The following PEX1 variants were observed in gnomAD, a reference collection of about 807,000 sequenced individuals.
The protein encoded by PEX1 is peroxisomal ATPase PEX1.
A neutral mutation model predicts 152.5 loss-of-function variants in PEX1; 97 were observed. The observed-to-expected ratio is 0.64, with a 90% confidence interval of 0.54 to 0.75. The LOEUF is 0.75. Ranked by LOEUF, PEX1 falls within the 30% of genes least tolerant of loss-of-function variation. The pLI is 0.00. For missense variants in PEX1, 1,357 were observed against 1,516.3 expected (o/e 0.89, Z 1.74); for synonymous variants, 485 against 531.6 (o/e 0.91, Z 1.21).
chr7:92,491,513 C>A lies in PEX1; in HGVS notation c.3208-11G>T. ...GCTGGAACTTCCATCCTAAAATACA[C>A]AAAAGGACAACCAGTTTAAAGATGT... On this transcript the variant is annotated splice_polypyrimidine_tract_variant and intron_variant, in intron 20 of 23. Coordinates refer to ENST00000248633, the MANE Select transcript of PEX1 (RefSeq NM_000466.3). The A allele has an allele frequency of 1.3e-6, 2 of 1,489,382 alleles. No homozygotes were observed. Among genetic ancestry groups the A allele is most frequent in the Non-Finnish European group, 1.9e-6 (2 of 1,066,874 alleles). 92.3% of individuals were successfully genotyped at this position (1,489,382 alleles called of 1,614,324 possible). A position where few individuals can be genotyped will look rare whatever the true frequency, so the allele number is the denominator to read the frequency against.
chr7:92,502,112 A>G (rs750358100), intron 13 of PEX1, 33 bp from the exon 14 acceptor site: 8 of 1,398,668 alleles, frequency 5.7e-6, no homozygotes, highest in East Asian at 2.3e-5. Flanking sequence ...CGAATTTCCA[A>G]TTGTATTCAA....
At position 92,515,710 on chromosome 7, in the gene PEX1, G is replaced by A. The variant is rs186701433; in HGVS notation, c.1239+1566C>T. On this transcript the variant is annotated intron_variant, in intron 5 of 23. Transcript: ENST00000248633. ...TAAAGCTAACAGAAAATAATGATCT[G>A]AGGCCAGGCACAGTGGCTCACGCCT... Among the ~76,000 whole-genome samples, 236 of 152,182 alleles carry A rather than the reference G, an allele frequency of 1.6e-3. 2 individuals carry two copies. The highest frequency in any genetic ancestry group is 2.5e-3 in the Non-Finnish European group (170 of 68,000).
intron 20 of PEX1, 95 bp from the exon 21 acceptor site, chr7:92,491,597 C>T (rs902126797): frequency 7.8e-6 from 6 of 765,446 alleles, no homozygotes; most frequent in Non-Finnish European, 1.1e-5. Flanking sequence ...TAGAGCAATA[C>T]AAGAAACTTA....
chr7:92,514,137 C>A (rs1792612139), intron 5 of PEX1, among the ~76,000 whole-genome samples, 170 bp from the exon 6 acceptor site: 1 of 152,110 alleles, frequency 6.6e-6, no homozygotes, highest in Non-Finnish European at 1.5e-5. Flanking sequence ...ATCAAAATAT[C>A]CTAAACTGGG....
At chr7:92,516,912 T>C (rs1170339515) in intron 5 of PEX1, among the ~76,000 whole-genome samples, 9 of 152,204 alleles carry the variant, frequency 5.9e-5, no homozygotes, top group Non-Finnish European at 8.8e-5. Flanking sequence ...GGAACAAATC[T>C]GCAAGCATTA....
Position 92,493,090 on chromosome 7 carries a change from G to C in PEX1, c.3070C>G (p.Leu1024Val), listed in dbSNP as rs1402798264. 6.2e-6 allele frequency: 10 copies of C among 1,612,054 alleles called. No homozygotes were observed. Among genetic ancestry groups the C allele is most frequent in the Non-Finnish European group, 8.5e-6 (10 of 1,178,292 alleles). Residue 1024 changes from leucine (L) to valine (V), a missense_variant, in exon 20 of 24, where the codon CTA (leucine) becomes GTA (valine). Coordinates refer to ENST00000248633, the MANE Select transcript of PEX1 (RefSeq NM_000466.3). Reference sequence around the variant, plus strand: ...AGGTCAACATCATCTGCCAGAGGTAGAGAGTCACTGAGGACATTTAAAATT... The same window carrying C: ...AGGTCAACATCATCTGCCAGAGGTACAGAGTCACTGAGGACATTTAAAATT... ...LEILNVLSDSLPLADDVDLQH... is the reference protein window; with the variant it reads ...LEILNVLSDSVPLADDVDLQH...
In PEX1 at chr7:92,499,786, A is replaced by G. The variant is rs1362906637; in HGVS notation, c.2636T>C (p.Leu879Ser). 50 of 1,612,212 alleles carry G rather than the reference A, an allele frequency of 3.1e-5. No individual in the cohort carries two copies. Among genetic ancestry groups the G allele is most frequent in the Non-Finnish European group, 4.2e-5 (50 of 1,178,408 alleles). Residue 879 changes from leucine (L) to serine (S), a missense_variant, in exon 16 of 24, where the codon TTG (leucine) becomes TCG (serine). Leu to Ser is a moderately radical substitution (Grantham distance 145). Coordinates refer to ENST00000248633, the MANE Select transcript of PEX1 (RefSeq NM_000466.3). ...LPIRQRTGIL[L>S]YGPPGTGKTL... is the part of the protein sequence containing the mutation. ...TTTTCCTGTTCCAGGCGGACCATAC[A>G]ACAGTATTCCTGTTCTTTGTCGTAT...
At chr7:92,491,164 C>T (rs1358342761) in intron 21 of PEX1, 108 bp downstream of exon 21, 1 of 766,640 alleles carries the variant, frequency 1.3e-6, no homozygotes, top group African/African-American at 1.7e-5. Flanking sequence ...GAAGAACCAA[C>T]CAACCAGGAA....
chr7:92,528,200 C>A, intron 1 of PEX1, 107 bp downstream of exon 1: 1 of 1,467,942 alleles, frequency 6.8e-7, no homozygotes, highest in Non-Finnish European at 9.2e-7. Context: ...TCTCTGCGCG[C>A]TTCGGCGGCG....
chr7:92,504,574 C>CA (rs1316585979), intron 12 of PEX1, among the ~76,000 whole-genome samples, 158 bp downstream of exon 12: 1 of 152,176 alleles, frequency 6.6e-6, no homozygotes, highest in East Asian at 1.9e-4. Flanking sequence ...TTTGCTATTA[C>CA]AGTCTATAGG....
chr7:92,509,907 G>A (rs987441020), intron 8 of PEX1, among the ~76,000 whole-genome samples: 2 of 152,166 alleles, frequency 1.3e-5, no homozygotes, highest in African/African-American at 4.8e-5. Flanking sequence ...ACTTTGGGAG[G>A]CTGAGGAGGG....
Position 92,487,499 on chromosome 7 carries a change from A to T in PEX1, c.3810T>A (p.Ser1270Arg), listed in dbSNP as rs139054881. 1.0e-3 allele frequency: 1,594 copies of T among 1,596,452 alleles called. 15 individuals are homozygous for T. Among genetic ancestry groups the T allele is most frequent in the Non-Finnish European group, 2.8e-4 (323 of 1,166,448 alleles). The change falls in exon 24 of 24, where the codon AGT (serine) becomes AGA (arginine). Residue 1270 changes from serine (S) to arginine (R), a missense_variant. Physicochemically the swap from Ser to Arg is moderately radical, Grantham distance 110. Transcript: ENST00000248633. ...TCTGTCCAGGTCGAAACATTGTTCC[A>T]CTTTGATTTTTTCTCCTCTTTGGAT... ...FQNPKRRKNQ[S>R]GTMFRPGQKV...
intron 8 of PEX1, among the ~76,000 whole-genome samples, chr7:92,510,445 G>A (rs746209425): frequency 1.3e-5 from 2 of 151,712 alleles, no homozygotes; most frequent in African/African-American, 2.4e-5. Flanking sequence ...CAGCCTGGGC[G>A]ACAAAGTGAG....
intron 21 of PEX1, among the ~76,000 whole-genome samples, chr7:92,490,490 C>T (rs1331023452): frequency 2.6e-5 from 4 of 151,920 alleles, no homozygotes; most frequent in African/African-American, 9.7e-5. Context: ...CAAAAATTAG[C>T]TGGGCATGGT....
rs1792855332 is a variant in PEX1 at position 92,517,614 on chromosome 7, A to G, written c.901T>C (p.Ser301Pro). 1.9e-6 allele frequency: 3 copies of G among 1,614,082 alleles called. No individual in the cohort carries two copies. The highest frequency in any genetic ancestry group is 2.5e-6 in the Non-Finnish European group (3 of 1,179,988). ...TGTTTATGAAAAACAGAGGTTGCTGACGCGTTATATATACTAGGAGGTTGA... is the reference window on the plus strand; with the variant it reads ...TGTTTATGAAAAACAGAGGTTGCTGGCGCGTTATATATACTAGGAGGTTGA... ...KSQPPSIYNA[S>P]ATSVFHKHCA... The change falls in exon 5 of 24, where the codon TCA (serine) becomes CCA (proline). Residue 301 changes from serine to proline, a missense_variant. Transcript: ENST00000248633.
intron 2 of PEX1, among the ~76,000 whole-genome samples, chr7:92,521,624 G>A (rs532664898): frequency 1.3e-5 from 2 of 151,678 alleles, no homozygotes; most frequent in Non-Finnish European, 2.9e-5. Context: ...TAGTAGAGAG[G>A]GGGGGTTTCA....
Position 92,491,368 on chromosome 7 carries a change from G to A in PEX1, c.3342C>T (p.Ser1114=), listed in dbSNP as rs1248223186. ...ATTTTGATTCATCTGGAAGGATCTCGGACATCTCTAAAGAAACAAGGGACT... is the reference window on the plus strand; with the variant it reads ...ATTTTGATTCATCTGGAAGGATCTCAGACATCTCTAAAGAAACAAGGGACT... ...LDQSLVSLEM[S]EILPDESKFN... is the part of the protein sequence containing the mutation. Residue 1114 remains serine (S), a synonymous_variant, in exon 21 of 24, where the codon TCC becomes TCT. Transcript: ENST00000248633. 6.2e-6 allele frequency: 10 copies of A among 1,613,540 alleles called. No homozygotes were observed. Among genetic ancestry groups the A allele is most frequent in the South Asian group, 2.2e-5 (2 of 91,074 alleles).
chr7:92,501,108 T>C (rs1791900993), intron 15 of PEX1, among the ~76,000 whole-genome samples: 1 of 152,234 alleles, frequency 6.6e-6, no homozygotes, highest in Admixed American at 6.5e-5. Flanking sequence ...AAAGACTGCA[T>C]CATACACATT....
intron 8 of PEX1, 133 bp from the exon 9 acceptor site, chr7:92,509,544 T>A: frequency 1.5e-6 from 1 of 674,946 alleles, no homozygotes; most frequent in Non-Finnish European, 2.7e-6. Context: ...GATCATTATT[T>A]AAACACCCTT....
Sources: allele counts gnomAD v4.1 joint callset (sites outside exome capture counted in the v4.1 genomes callset), GRCh38; gene constraint gnomAD v4.1.1; transcripts MANE v1.5; gene names NCBI Gene and HGNC (gene_info 2026-07-23, HGNC 2026-07-21).